The following BMPER variants were observed in gnomAD, a reference collection of about 807,000 sequenced individuals.
BMPER encodes the protein BMP binding endothelial regulator.
BMPER carries 45 observed loss-of-function variants against 87.3 expected under a neutral mutation model. The observed-to-expected ratio is 0.52, with a 90% CI of 0.41 to 0.66. The LOEUF is 0.66. BMPER is among the 30% of genes least tolerant of loss of function. BMPER has a pLI of 0.00. For missense variants in BMPER, 784 were observed against 867.5 expected, an observed-to-expected ratio of 0.90 and a Z score of 1.21; for synonymous variants, 326 against 316.2, an observed-to-expected ratio of 1.03 and a Z score of -0.33.
At chr7:33,975,150 G>T (rs1490337190) in intron 6 of BMPER, among the ~76,000 whole-genome samples, 2 of 152,198 alleles carry the variant, frequency 1.3e-5, no homozygotes, top group African/African-American at 4.8e-5. Flanking sequence ...TCTGAAGCAT[G>T]AGGGAGAGGC....
chr7:33,991,563 A>C (rs1349183170), intron 6 of BMPER, among the ~76,000 whole-genome samples: 2 of 151,986 alleles, frequency 1.3e-5, no homozygotes, highest in African/African-American at 2.4e-5. Context: ...CTTTCAAAAA[A>C]CCAGCTCCTG....
chr7:34,042,302 A>G (rs766072707), intron 6 of BMPER, among the ~76,000 whole-genome samples: 15 of 152,214 alleles, frequency 9.9e-5, no homozygotes, highest in Non-Finnish European at 1.5e-4. Context: ...CTTTCTAAGG[A>G]AAGGCAGATG....
At chr7:33,933,414 G>A (rs1299669679) in intron 2 of BMPER, among the ~76,000 whole-genome samples, 2 of 150,906 alleles carry the variant, frequency 1.3e-5, no homozygotes, top group East Asian at 3.9e-4. Context: ...GATGCAGTAA[G>A]GTTTATTGCT....
At chr7:33,976,079 G>T (rs1395371870) in intron 6 of BMPER, among the ~76,000 whole-genome samples, 2 of 152,122 alleles carry the variant, frequency 1.3e-5, no homozygotes, top group South Asian at 4.1e-4. Flanking sequence ...ATGAAAATGA[G>T]CATGAGCTTG....
In BMPER at chr7:34,100,005, G is replaced by A. The variant is rs116370786; in HGVS notation, c.1745+13913G>A. Among the ~76,000 whole-genome samples, 337 of 152,082 alleles carry A rather than the reference G, an allele frequency of 2.2e-3. 1 individual carries two copies. Among genetic ancestry groups the A allele is most frequent in the African/African-American group, 8.0e-3 (331 of 41,496 alleles). The stretch of plus-strand genomic sequence containing the variant: ...CAACAGGGGATTCTCTGCCTGGGGT[G>A]CAGGTCAGTGGACACCAGGTCAAGA... On this transcript the variant is annotated intron_variant, in intron 13 of 14. Coordinates refer to ENST00000649409, the MANE Select transcript of BMPER (RefSeq NM_001365308.1).
intron 1 of BMPER, 102 bp downstream of exon 1, chr7:33,905,848 C>A (rs1233919214): frequency 7.2e-7 from 1 of 1,391,448 alleles, no homozygotes; most frequent in Non-Finnish European, 9.8e-7. Flanking sequence ...GGGGAGCGCG[C>A]ACCTTGGCGC....
At chr7:34,012,873 A>T (rs1403567732) in intron 6 of BMPER, among the ~76,000 whole-genome samples, 1 of 151,956 alleles carries the variant, frequency 6.6e-6, no homozygotes, top group African/African-American at 2.4e-5. Context: ...TCTCAAATGG[A>T]ATCAATGTGA....
At chr7:34,119,034 A>ACACACACACACACACACACACACG (rs1562755801) in intron 13 of BMPER, among the ~76,000 whole-genome samples, 7 of 151,296 alleles carry the variant, frequency 4.6e-5, no homozygotes, top group Non-Finnish European at 7.4e-5. Context: ...ACACACACAC[A>ACACACACACACACACACACACACG]CACGCACTCG....
At chr7:33,958,181 T>C (rs916997451) in intron 3 of BMPER, among the ~76,000 whole-genome samples, 2 of 152,174 alleles carry the variant, frequency 1.3e-5, no homozygotes, top group African/African-American at 4.8e-5. Context: ...AAATCCTTGC[T>C]GCAACTTTTT....
chr7:33,944,887 C>T (rs572828138), intron 3 of BMPER, among the ~76,000 whole-genome samples: 1 of 152,138 alleles, frequency 6.6e-6, no homozygotes, highest in Non-Finnish European at 1.5e-5. Flanking sequence ...CATTCCTATT[C>T]TTTAAGGCCA....
intron 3 of BMPER, among the ~76,000 whole-genome samples, chr7:33,949,223 T>C (rs1422661247): frequency 6.6e-6 from 1 of 152,198 alleles, no homozygotes; most frequent in East Asian, 1.9e-4. Flanking sequence ...GAGATGAGCT[T>C]TGTTCTTATG....
At chr7:34,008,129 A>C (rs923286393) in intron 6 of BMPER, among the ~76,000 whole-genome samples, 1 of 152,038 alleles carries the variant, frequency 6.6e-6, no homozygotes, top group African/African-American at 2.4e-5. Flanking sequence ...CTGGATTTTA[A>C]AATGTTAAAA....
chr7:33,977,497 C>T (rs1785718140), intron 6 of BMPER, among the ~76,000 whole-genome samples: 1 of 152,144 alleles, frequency 6.6e-6, no homozygotes, highest in South Asian at 2.1e-4. Flanking sequence ...GAGGGCAAAG[C>T]TGGAGAAGGG....
At chr7:33,996,876 A>G (rs1337361484) in intron 6 of BMPER, among the ~76,000 whole-genome samples, 2 of 152,308 alleles carry the variant, frequency 1.3e-5, no homozygotes, top group African/African-American at 4.8e-5. Context: ...TTTTTGTACT[A>G]AGACTTTAAA....
At chr7:33,978,022 G>A (rs1015723785) in intron 6 of BMPER, among the ~76,000 whole-genome samples, 19 of 152,254 alleles carry the variant, frequency 1.2e-4, no homozygotes, top group African/African-American at 3.1e-4. Context: ...TGGTCTGAAC[G>A]TCCCCCAAAA....
At chr7:34,082,763 T>C (rs1789088088) in intron 12 of BMPER, among the ~76,000 whole-genome samples, 2 of 152,170 alleles carry the variant, frequency 1.3e-5, no homozygotes, top group South Asian at 4.1e-4. Flanking sequence ...TAGTATAGCA[T>C]TGTCAGTAGT....
chr7:33,984,887 G>A (rs1232697786), intron 6 of BMPER, among the ~76,000 whole-genome samples: 1 of 152,102 alleles, frequency 6.6e-6, no homozygotes, highest in African/African-American at 2.4e-5. Flanking sequence ...AACAGATATG[G>A]ATTTTACTAA....
intron 13 of BMPER, among the ~76,000 whole-genome samples, chr7:34,115,224 T>C (rs1790080013): frequency 6.6e-6 from 1 of 152,162 alleles, no homozygotes; most frequent in African/African-American, 2.4e-5. Context: ...ACAGATAAAC[T>C]AGTGCAAAAG....
chr7:34,111,875 G>A (rs1045425559), intron 13 of BMPER, among the ~76,000 whole-genome samples: 5 of 151,960 alleles, frequency 3.3e-5, no homozygotes, highest in Admixed American at 3.3e-4. Flanking sequence ...CACCACGCCT[G>A]GCTACTTCTG....
Sources: gnomAD v4.1 joint callset for allele counts (sites outside exome capture counted in the v4.1 genomes callset) on GRCh38, gnomAD v4.1.1 for gene constraint, MANE v1.5 for transcripts, NCBI Gene and HGNC (gene_info 2026-07-23, HGNC 2026-07-21) for gene names.